Variants in NUP160 observed in about 807,000 individuals in gnomAD.
NUP160 encodes the protein nuclear pore complex protein Nup160.
NUP160 carries 94 observed loss-of-function variants against 196.9 expected under a neutral mutation model. That is an observed-to-expected ratio of 0.48 (90% CI 0.40 to 0.57). The LOEUF is 0.57. Ranked by LOEUF, NUP160 falls within the 20% of genes least tolerant of loss-of-function variation. The probability of loss-of-function intolerance (pLI) is 0.00; values close to 1 mark genes in which losing one functional copy is unlikely to be tolerated. For missense variants in NUP160, 1,638 were observed against 1,748.3 expected (o/e 0.94, Z 1.13); for synonymous variants, 605 against 619.7 (o/e 0.98, Z 0.35).
chr11:47,791,362 C>T (rs867232387), intron 29 of NUP160, among the ~76,000 whole-genome samples: 4 of 152,010 alleles, frequency 2.6e-5, no homozygotes, highest in East Asian at 1.9e-4. Context: ...TTTTTTGAGG[C>T]GGAGTCTTAC....
At chr11:47,796,616 T>C (rs1358636760) in intron 27 of NUP160, among the ~76,000 whole-genome samples, 1 of 152,224 alleles carries the variant, frequency 6.6e-6, no homozygotes, top group African/African-American at 2.4e-5. Context: ...AGGGTGATAT[T>C]CACTGCGTTA....
At chr11:47,828,651 C>T (rs1264285806) in intron 7 of NUP160, among the ~76,000 whole-genome samples, 1 of 151,968 alleles carries the variant, frequency 6.6e-6, no homozygotes, top group Non-Finnish European at 1.5e-5. Context: ...AAAAGAAGAA[C>T]AAAGTAAGAG....
intron 2 of NUP160, among the ~76,000 whole-genome samples, chr11:47,845,510 G>C (rs2135407237): frequency 6.6e-6 from 1 of 152,272 alleles, no homozygotes; most frequent in Admixed American, 6.5e-5. Flanking sequence ...TCTTGTGCGA[G>C]ATCCAAGAAC....
chr11:47,813,043 C>T, exon 15 of NUP160: 1 of 1,594,038 alleles, frequency 6.3e-7, no homozygotes, highest in South Asian at 1.1e-5. Flanking sequence ...GAGCGATGTC[C>T]ACATCTACAA....
intron 10 of NUP160, among the ~76,000 whole-genome samples, chr11:47,818,957 T>C (rs918703102): frequency 6.6e-6 from 1 of 152,200 alleles, no homozygotes; most frequent in Admixed American, 6.5e-5. Flanking sequence ...ATCTTTAATG[T>C]CATTGTAATA....
At chr11:47,839,843 C>T in exon 4 of NUP160, 1 of 1,609,512 alleles carries the variant, frequency 6.2e-7, no homozygotes, top group African/African-American at 1.3e-5. Context: ...CCATTCTTAC[C>T]AGGTATGTCA....
At chr11:47,809,100 T>TA (rs548595785) in intron 17 of NUP160, among the ~76,000 whole-genome samples, 172 of 149,942 alleles carry the variant, frequency 1.1e-3, no homozygotes, top group Non-Finnish European at 2.2e-3. Context: ...GACTCCGTCT[T>TA]AAAAAAGAAA....
In NUP160 at chr11:47,797,323, C is replaced by G. The variant is rs78244198; in HGVS notation, c.3289+456G>C. ...TTGGCTCACTGTAACCTCCGCCCCC[C>G]GCCCCACCCTGTTCAAGCAATTCTC... On this transcript the variant is annotated intron_variant, in intron 27 of 35. Transcript: ENST00000378460. Among the ~76,000 whole-genome samples, 8 of 152,230 alleles carry G rather than the reference C, an allele frequency of 5.3e-5. No individual in the cohort carries two copies. The South Asian group carries it at 1.2e-3, about 24-fold the overall frequency.
chr11:47,816,156 T>C (rs2097684315), intron 11 of NUP160, 127 bp from the exon 12 acceptor site: 4 of 580,734 alleles, frequency 6.9e-6, no homozygotes, highest in Non-Finnish European at 1.2e-5. Context: ...GGAACACACA[T>C]CACCCAAGAG....
chr11:47,789,664 G>A (rs1296198120), intron 29 of NUP160, among the ~76,000 whole-genome samples: 3 of 151,662 alleles, frequency 2.0e-5, no homozygotes, highest in Non-Finnish European at 4.4e-5. Context: ...TTACAGCAAT[G>A]TAATTATTAT....
intron 27 of NUP160, among the ~76,000 whole-genome samples, chr11:47,794,132 A>G (rs183473611): frequency 2.3e-3 from 351 of 152,302 alleles, no homozygotes; most frequent in Middle Eastern, 0.014. Flanking sequence ...TTGCAAGATG[A>G]AAAGTGTTCT....
chr11:47,821,955 T>G, intron 8 of NUP160, 132 bp downstream of exon 8: 1 of 984,820 alleles, frequency 1.0e-6, no homozygotes, highest in Non-Finnish European at 1.6e-6. Flanking sequence ...TGGTAAAGTC[T>G]AAATGAAATT....
intron 21 of NUP160, 137 bp from the exon 22 acceptor site, chr11:47,803,673 T>C (rs2097675728): frequency 8.1e-6 from 5 of 615,430 alleles, no homozygotes; most frequent in Non-Finnish European, 1.5e-5. Flanking sequence ...AATTCTGATA[T>C]TAAAACCTAC....
In NUP160 at chr11:47,822,034, C is replaced by A; in HGVS notation, c.1179+53G>T. The stretch of plus-strand genomic sequence containing the variant: ...CCCATTATACCATAACAGAGTTAGT[C>A]AATACTTCTTTTTCTTGTACTTATG... On this transcript the variant is annotated intron_variant, in intron 8 of 35. Coordinates refer to ENST00000378460, the Ensembl canonical transcript of NUP160. The A allele has an allele frequency of 4.1e-6, 5 of 1,218,692 alleles. No homozygotes were observed. The Admixed American group carries it at 5.5e-5, about 14-fold the overall frequency. 75.5% of individuals were successfully genotyped at this position (1,218,692 alleles called of 1,614,324 possible).
exon 1 of NUP160, chr11:47,848,442 C>T: frequency 6.6e-7 from 1 of 1,510,038 alleles, no homozygotes; most frequent in Non-Finnish European, 8.8e-7. Flanking sequence ...AAAGGCGGCT[C>T]CGGCCCTTCG....
rs1249836628 is a variant in NUP160, at chr11:47,806,788, TATACACACACACACAC to T, written c.2446+266_2446+281del. ...CATCAAAACAGAATGGGAAAGCAGC[TATACACACACACACAC>T]ACACACACACACACACACACACACA... is the stretch of plus-strand genomic sequence containing the variant. On this transcript the variant is annotated intron_variant, in intron 19 of 35. Coordinates refer to ENST00000378460, the Ensembl canonical transcript of NUP160. Among the ~76,000 whole-genome samples the T allele has an allele frequency of 4.1e-3, 433 of 106,478 alleles. 8 individuals are homozygous for T. The highest frequency in any genetic ancestry group is 0.014 in the East Asian group (45 of 3,150). The allele number at this position is 106,478 out of a possible 152,430, so 69.9% of individuals were successfully genotyped here. A position where few individuals can be genotyped will look rare whatever the true frequency, so the allele number is the denominator to read the frequency against.
chr11:47,795,981 G>T (rs745996713), intron 27 of NUP160, among the ~76,000 whole-genome samples: 1 of 151,716 alleles, frequency 6.6e-6, no homozygotes, highest in Non-Finnish European at 1.5e-5. Context: ...GTGAAACCCC[G>T]TCTCTACTAA....
exon 25 of NUP160, chr11:47,798,262 C>T (rs764212791): frequency 2.5e-6 from 4 of 1,600,002 alleles, no homozygotes; most frequent in Non-Finnish European, 3.4e-6. Context: ...CTTAGAGTAG[C>T]CTAAATATCA....
chr11:47,830,568 G>A lies in NUP160; in HGVS notation c.1101+5083C>T, dbSNP rs564454236. Among the ~76,000 whole-genome samples, 44 of 152,288 alleles carry A rather than the reference G, an allele frequency of 2.9e-4. 1 individual carries two copies. In the South Asian group the frequency reaches 8.9e-3, roughly 31 times the overall value. On this transcript the variant is annotated intron_variant, in intron 7 of 35. Transcript: ENST00000378460. ...CATGTCTTTTGTGGAAACATGGATG[G>A]AAGTGGAGGTCATTATCCTCAGCAA...
Sources: gnomAD v4.1 joint callset for allele counts (sites outside exome capture counted in the v4.1 genomes callset) on GRCh38, gnomAD v4.1.1 for gene constraint, MANE v1.5 for transcripts, NCBI Gene and HGNC (gene_info 2026-07-23, HGNC 2026-07-21) for gene names.